The following GSK3B variants were observed in gnomAD, a reference collection of about 807,000 sequenced individuals.
GSK3B encodes glycogen synthase kinase 3 beta, also known as glycogen synthase kinase-3 beta.
A neutral mutation model predicts 56.4 loss-of-function variants in GSK3B; 15 were observed. The observed-to-expected ratio is 0.27, with a 90% CI of 0.18 to 0.41. GSK3B has a LOEUF of 0.41. Among genes scored for constraint, GSK3B ranks in the 10% least tolerant of loss-of-function variants. The pLI is 1.00. For synonymous variants in GSK3B, 181 were observed against 188.9 expected (o/e 0.96, Z 0.34); for missense variants, 300 against 513.4 (o/e 0.58, Z 4.02).
At chr3:119,902,537 C>G (rs1242144941) in intron 7 of GSK3B, among the ~76,000 whole-genome samples, 2 of 152,104 alleles carry the variant, frequency 1.3e-5, no homozygotes, top group Non-Finnish European at 2.9e-5. Flanking sequence ...CCCAGGACTA[C>G]AGGTGTGCGC....
intron 1 of GSK3B, among the ~76,000 whole-genome samples, chr3:120,052,290 C>A (rs1198174980): frequency 6.6e-6 from 1 of 152,186 alleles, no homozygotes; most frequent in Non-Finnish European, 1.5e-5. Context: ...ATTTCATTCT[C>A]TGTCTTTTAA....
chr3:120,031,691 T>G (rs906969720), intron 1 of GSK3B, among the ~76,000 whole-genome samples: 4 of 152,230 alleles, frequency 2.6e-5, no homozygotes, highest in African/African-American at 9.6e-5. Flanking sequence ...CATCCTCTGT[T>G]TCACAGGGAA....
rs192701996 is a variant in GSK3B at position 120,013,624 on chromosome 3, C to T, written c.89-11385G>A. Among the ~76,000 whole-genome samples the T allele has an allele frequency of 1.4e-3, 218 of 152,174 alleles. 1 individual carries two copies. The highest frequency in any genetic ancestry group is 4.8e-3 in the African/African-American group (198 of 41,496). On this transcript the variant is annotated intron_variant, in intron 1 of 10. Transcript: ENST00000264235. Reference sequence around the variant, plus strand: ...CAAAAGCCTAGAGAAATCAGCACACCGCCCATGAATACACAGAAGATACAA... The same window carrying T: ...CAAAAGCCTAGAGAAATCAGCACACTGCCCATGAATACACAGAAGATACAA...
rs1248382033 is a variant in GSK3B at position 119,923,493 on chromosome 3, T to C, written c.367-10A>G. 1.4e-6 allele frequency: 2 copies of C among 1,429,656 alleles called. No homozygotes were observed. Among genetic ancestry groups the C allele is most frequent in the Non-Finnish European group, 1.9e-6 (2 of 1,036,272 alleles). The allele number at this position is 1,429,656 out of a possible 1,614,324, so 88.6% of individuals were successfully genotyped here. A position where few individuals can be genotyped will look rare whatever the true frequency, so the allele number is the denominator to read the frequency against. On this transcript the variant is annotated splice_polypyrimidine_tract_variant and intron_variant, in intron 3 of 10. Coordinates refer to ENST00000264235, the MANE Select transcript of GSK3B (RefSeq NM_001146156.2). ...GATAGACCTCATCTTTCTGAAAGAG[T>C]TTATTTAAAAAAACAAAAAACAAAA... is the stretch of plus-strand genomic sequence containing the variant.
intron 9 of GSK3B, among the ~76,000 whole-genome samples, chr3:119,849,597 C>G (rs2055900823): frequency 6.6e-6 from 1 of 152,130 alleles, no homozygotes; most frequent in Non-Finnish European, 1.5e-5. Context: ...ATCACCTATC[C>G]TTCTGTGTAT....
At chr3:120,030,508 A>C (rs2057966582) in intron 1 of GSK3B, among the ~76,000 whole-genome samples, 1 of 152,148 alleles carries the variant, frequency 6.6e-6, no homozygotes, top group African/African-American at 2.4e-5. Flanking sequence ...TTTCATTCTC[A>C]TATCATGCCA....
chr3:120,025,753 C>T (rs996498065), intron 1 of GSK3B, among the ~76,000 whole-genome samples: 6 of 152,162 alleles, frequency 3.9e-5, no homozygotes, highest in Admixed American at 1.3e-4. Context: ...AAAAGTTAGT[C>T]AACCTAAAAG....
At chr3:119,995,433 T>C (rs1439796298) in intron 2 of GSK3B, among the ~76,000 whole-genome samples, 1 of 152,128 alleles carries the variant, frequency 6.6e-6, no homozygotes. Flanking sequence ...AAGGAAGTTC[T>C]TTACAGTAAT....
chr3:120,062,034 ATATGAATTTAT>A (rs2058241572), intron 1 of GSK3B, among the ~76,000 whole-genome samples: 1 of 152,108 alleles, frequency 6.6e-6, no homozygotes, highest in Non-Finnish European at 1.5e-5. Context: ...TTCCGGCCAT[ATATGAATTTAT>A]TATCCTTTAG....
At chr3:119,865,712 G>A (rs571540984) in intron 8 of GSK3B, among the ~76,000 whole-genome samples, 3 of 151,314 alleles carry the variant, frequency 2.0e-5, no homozygotes, top group Admixed American at 6.6e-5. Flanking sequence ...CTCATGATCC[G>A]CCCGCCTCGG....
At chr3:119,918,201 T>G (rs1160106675) in intron 4 of GSK3B, among the ~76,000 whole-genome samples, 2 of 152,110 alleles carry the variant, frequency 1.3e-5, no homozygotes, top group African/African-American at 4.8e-5. Context: ...CCGGGCGCGG[T>G]GGCTCACACC....
intron 1 of GSK3B, among the ~76,000 whole-genome samples, chr3:120,013,953 T>G (rs2057801820): frequency 6.6e-6 from 1 of 151,012 alleles, no homozygotes; most frequent in South Asian, 2.1e-4. Flanking sequence ...GTGGATCACC[T>G]GAGGTCAGGA....
At chr3:119,844,381 A>C (rs184359032) in intron 9 of GSK3B, among the ~76,000 whole-genome samples, 253 of 150,106 alleles carry the variant, frequency 1.7e-3, no homozygotes, top group Middle Eastern at 3.5e-3. Context: ...AAAAAAAATC[A>C]ATGAATCCAG....
chr3:119,869,230 A>AAAAAC (rs1553726283), intron 8 of GSK3B, among the ~76,000 whole-genome samples: 6 of 149,550 alleles, frequency 4.0e-5, no homozygotes, highest in Non-Finnish European at 8.9e-5. Flanking sequence ...TCTCAAAAAA[A>AAAAAC]AAAAAAAAAA....
chr3:119,932,471 T>C (rs1480374810), intron 3 of GSK3B, among the ~76,000 whole-genome samples: 2 of 151,302 alleles, frequency 1.3e-5, no homozygotes, highest in Non-Finnish European at 1.5e-5. Context: ...ATCTCACACC[T>C]TAAAACAAAA....
intron 1 of GSK3B, among the ~76,000 whole-genome samples, chr3:120,028,573 C>T (rs956311971): frequency 5.3e-5 from 8 of 152,250 alleles, no homozygotes; most frequent in Admixed American, 3.9e-4. Context: ...AGCTCCTCAG[C>T]TCTACCTCTT....
chr3:119,861,097 A>G (rs1035688197), intron 9 of GSK3B, among the ~76,000 whole-genome samples: 6 of 152,188 alleles, frequency 3.9e-5, no homozygotes, highest in African/African-American at 9.7e-5. Context: ...TCATCCACAT[A>G]CTAACTAGTA....
chr3:119,873,990 T>C (rs1176072247), intron 8 of GSK3B, among the ~76,000 whole-genome samples: 8 of 152,168 alleles, frequency 5.3e-5, no homozygotes, highest in African/African-American at 1.4e-4. Flanking sequence ...GTGCTTTACA[T>C]AGACGATTCA....
chr3:119,833,729 TC>T (rs1183471006), intron 10 of GSK3B, among the ~76,000 whole-genome samples: 2 of 134,422 alleles, frequency 1.5e-5, no homozygotes, highest in Non-Finnish European at 3.1e-5. Context: ...AGGGTCTCAC[TC>T]TGTCACCTAG....
Sources: allele counts gnomAD v4.1 joint callset (sites outside exome capture counted in the v4.1 genomes callset), GRCh38; gene constraint gnomAD v4.1.1; transcripts MANE v1.5; gene names NCBI Gene and HGNC (gene_info 2026-07-23, HGNC 2026-07-21).